The following CFAP77 variants were observed in gnomAD, a reference collection of about 807,000 sequenced individuals.
The protein encoded by CFAP77 is cilia and flagella associated protein 77.
Under a neutral mutation model 31.1 loss-of-function variants are expected in CFAP77, and 25 were observed. That is an observed-to-expected ratio of 0.80 (90% confidence interval 0.59 to 1.12). The LOEUF is 1.12. Ranked by LOEUF, CFAP77 falls within the 50% of genes most tolerant of loss-of-function variation. The pLI is 0.00. For synonymous variants in CFAP77, 151 were observed against 159.9 expected (o/e 0.94, Z 0.42); for missense variants, 377 against 397.3 (o/e 0.95, Z 0.44).
At chr9:132,526,047 G>T (rs1205828630) in intron 3 of CFAP77, among the ~76,000 whole-genome samples, 1 of 151,972 alleles carries the variant, frequency 6.6e-6, no homozygotes, top group Non-Finnish European at 1.5e-5. Context: ...AGCTAAAGCC[G>T]CTATGTATTC....
At chr9:132,483,436 G>C (rs575854388) in intron 1 of CFAP77, among the ~76,000 whole-genome samples, 1 of 152,052 alleles carries the variant, frequency 6.6e-6, no homozygotes, top group Non-Finnish European at 1.5e-5. Flanking sequence ...ACCCACGAGG[G>C]GTTGTGGGGG....
At chr9:132,515,164 A>AGCCAG (rs1852124905) in intron 3 of CFAP77, among the ~76,000 whole-genome samples, 1 of 152,068 alleles carries the variant, frequency 6.6e-6, no homozygotes, top group African/African-American at 2.4e-5. Context: ...CAGGCCCAGA[A>AGCCAG]AGCCAGAATG....
Position 132,495,282 on chromosome 9 carries a change from C to T in CFAP77, c.196-3413C>T, listed in dbSNP as rs1232053396. 6.6e-6 allele frequency among the ~76,000 whole-genome samples: 1 copy of T among 152,122 alleles called. No homozygotes were observed. The highest frequency in any genetic ancestry group is 1.9e-4 in the East Asian group (1 of 5,200). Reference sequence around the variant, plus strand: ...GCAGAGATTGAGGCACACACCTGCTCCTTGCTCCCTGCCTGAGGGTGGCAG... The same window carrying T: ...GCAGAGATTGAGGCACACACCTGCTTCTTGCTCCCTGCCTGAGGGTGGCAG... On this transcript the variant is annotated intron_variant, in intron 1 of 5. Coordinates refer to ENST00000393216, the MANE Select transcript of CFAP77 (RefSeq NM_001282957.2). The surrounding 1 kb of genome is among the most constrained non-coding windows in gnomAD (Gnocchi z 4.2).
chr9:132,438,231 A>T (rs1236448013), intron 1 of CFAP77, among the ~76,000 whole-genome samples: 2 of 150,780 alleles, frequency 1.3e-5, no homozygotes, highest in Non-Finnish European at 3.0e-5. Context: ...AGACATTGGA[A>T]AATAATTAGA....
chr9:132,502,996 C>T (rs1851878561), intron 3 of CFAP77, among the ~76,000 whole-genome samples: 1 of 152,178 alleles, frequency 6.6e-6, no homozygotes, highest in African/African-American at 2.4e-5. Flanking sequence ...CTTCAAAGTT[C>T]AGCTCAGCAT....
intron 3 of CFAP77, among the ~76,000 whole-genome samples, chr9:132,519,475 GATGGATGA>G (rs1373703306): frequency 1.4e-5 from 1 of 70,922 alleles, no homozygotes; most frequent in African/African-American, 5.6e-5. Flanking sequence ...TAGATGGATG[GATGGATGA>G]GTGGGTGGGT....
At chr9:132,487,365 G>A (rs1180859510) in intron 1 of CFAP77, among the ~76,000 whole-genome samples, 4 of 152,188 alleles carry the variant, frequency 2.6e-5, no homozygotes, top group South Asian at 2.1e-4. Context: ...GCCACCAGCC[G>A]TCATCTTAGT....
chr9:132,493,310 C>T (rs1286836045), intron 1 of CFAP77, among the ~76,000 whole-genome samples: 1 of 152,176 alleles, frequency 6.6e-6, no homozygotes, highest in Non-Finnish European at 1.5e-5. Context: ...AATGAGAAAG[C>T]CACTGCTATG....
chr9:132,532,441 C>T (rs995505030), intron 3 of CFAP77, among the ~76,000 whole-genome samples: 3 of 152,202 alleles, frequency 2.0e-5, no homozygotes, highest in Non-Finnish European at 4.4e-5. Flanking sequence ...TACTCAGCGC[C>T]GGCCAATTGC....
At chr9:132,437,832 T>C (rs1850537083) in intron 1 of CFAP77, among the ~76,000 whole-genome samples, 1 of 151,238 alleles carries the variant, frequency 6.6e-6, no homozygotes, top group South Asian at 2.1e-4. Flanking sequence ...TTTAGAGAGA[T>C]CACCCCGGGT....
intron 1 of CFAP77, among the ~76,000 whole-genome samples, chr9:132,493,904 T>G (rs1382781480): frequency 6.6e-6 from 1 of 151,804 alleles, no homozygotes; most frequent in Non-Finnish European, 1.5e-5. Context: ...CTTTCCTTCC[T>G]TCCTTCCTTT....
intron 5 of CFAP77, among the ~76,000 whole-genome samples, chr9:132,549,172 T>C (rs1279081545): frequency 6.6e-6 from 1 of 152,150 alleles, no homozygotes. Flanking sequence ...CCAAGCGGGC[T>C]TCTAGCCTGT....
chr9:132,499,617 C>G lies in CFAP77; in HGVS notation c.524+17C>G, dbSNP rs765357629. On this transcript the variant is annotated intron_variant, in intron 3 of 5. Transcript: ENST00000393216. The surrounding 1 kb of genome is among the most constrained non-coding windows in gnomAD (Gnocchi z 5.4). ...CCGGGCACGGTAAGGTGGCTGGCAG[C>G]CAGGGCTTCATCCCTTGAGGGGGTG... 3 of 1,611,554 alleles carry G rather than the reference C, an allele frequency of 1.9e-6. No individual in the cohort carries two copies. The highest frequency in any genetic ancestry group is 2.5e-6 in the Non-Finnish European group (3 of 1,177,812).
At chr9:132,562,802 C>A (rs1829832468) in intron 5 of CFAP77, among the ~76,000 whole-genome samples, 1 of 151,918 alleles carries the variant, frequency 6.6e-6, no homozygotes, top group African/African-American at 2.4e-5. Context: ...CAGGTTCAAG[C>A]GATTCTCCTG....
intron 1 of CFAP77, among the ~76,000 whole-genome samples, chr9:132,469,236 A>G (rs916347633): frequency 6.6e-6 from 1 of 152,164 alleles, no homozygotes; most frequent in African/African-American, 2.4e-5. Flanking sequence ...GCAATCACAG[A>G]GATATTTTCC....
At chr9:132,525,411 A>T (rs1589907062) in intron 3 of CFAP77, among the ~76,000 whole-genome samples, 2 of 152,310 alleles carry the variant, frequency 1.3e-5, no homozygotes, top group Non-Finnish European at 1.5e-5. Context: ...TTTAAAAAAA[A>T]TTTTACTTTG....
chr9:132,428,053 C>G (rs1189284657), intron 1 of CFAP77, among the ~76,000 whole-genome samples: 1 of 150,432 alleles, frequency 6.6e-6, no homozygotes, highest in Non-Finnish European at 1.5e-5. Context: ...GGCTGGAGTT[C>G]AGTGGTACAA....
At chr9:132,458,394 G>A (rs945907621) in intron 1 of CFAP77, among the ~76,000 whole-genome samples, 6 of 148,106 alleles carry the variant, frequency 4.1e-5, no homozygotes, top group African/African-American at 7.6e-5. Flanking sequence ...CCACTTTCCC[G>A]CATCTTCTTT....
intron 1 of CFAP77, among the ~76,000 whole-genome samples, chr9:132,437,214 C>G (rs1168589418): frequency 2.0e-5 from 3 of 152,238 alleles, no homozygotes; most frequent in African/African-American, 4.8e-5. Context: ...TTTCTGAAGA[C>G]TCCTTGAGCT....
Sources: gnomAD v4.1 joint callset for allele counts (sites outside exome capture counted in the v4.1 genomes callset) on GRCh38, gnomAD v4.1.1 for gene constraint, Gnocchi (gnomAD v3.1) non-coding constraint, MANE v1.5 for transcripts, NCBI Gene and HGNC (gene_info 2026-07-23, HGNC 2026-07-21) for gene names.